The following EXOC4 variants were observed in gnomAD, a reference collection of about 807,000 sequenced individuals.
EXOC4 encodes the protein SEC8-like 1.
EXOC4 carries 71 observed loss-of-function variants against 107.2 expected under a neutral mutation model. That is an observed-to-expected ratio of 0.66 (90% confidence interval 0.55 to 0.81). EXOC4 has a LOEUF of 0.81. EXOC4 is among the 30% of genes least tolerant of loss of function. The probability of loss-of-function intolerance (pLI) is 0.00; values close to 1 mark genes in which losing one functional copy is unlikely to be tolerated. For synonymous variants in EXOC4, 456 were observed against 441.2 expected (o/e 1.03, Z -0.42); for missense variants, 1,108 against 1,189.6 (o/e 0.93, Z 1.01).
intron 10 of EXOC4, among the ~76,000 whole-genome samples, chr7:133,657,767 A>T (rs1439660572): frequency 6.6e-6 from 1 of 152,168 alleles, no homozygotes. Context: ...AATCTTATAG[A>T]ATTGGCTCTG....
intron 10 of EXOC4, among the ~76,000 whole-genome samples, chr7:133,658,375 G>A (rs1290308320): frequency 1.3e-5 from 2 of 152,104 alleles, no homozygotes; most frequent in Admixed American, 6.5e-5. Context: ...GATCCCAGCA[G>A]GTTAAAATCT....
At chr7:133,447,786 G>A (rs1584925179) in intron 7 of EXOC4, among the ~76,000 whole-genome samples, 1 of 151,818 alleles carries the variant, frequency 6.6e-6, no homozygotes, top group South Asian at 2.1e-4. Flanking sequence ...TTATTTTTAA[G>A]TGTACCTAAT....
At chr7:134,001,968 G>T (rs1443267643) in intron 15 of EXOC4, among the ~76,000 whole-genome samples, 1 of 152,156 alleles carries the variant, frequency 6.6e-6, no homozygotes, top group African/African-American at 2.4e-5. Flanking sequence ...TAGCATAGAT[G>T]CTTTAATTTT....
chr7:133,439,182 C>CT lies in EXOC4; in HGVS notation c.1183-36125dup, dbSNP rs35280420. ...GGAAATATACCATATTTCATCAGTTCTTTTTTTTTTTTTTTTTTTTTGAGA... is the reference window on the plus strand; with the variant it reads ...GGAAATATACCATATTTCATCAGTTCTTTTTTTTTTTTTTTTTTTTTTGAGA... On this transcript the variant is annotated intron_variant, in intron 7 of 17. Transcript: ENST00000253861. Among the ~76,000 whole-genome samples the CT allele has an allele frequency of 1.0e-2, 939 of 94,078 alleles. 84 individuals are homozygous for CT. The highest frequency in any genetic ancestry group is 0.02 in the African/African-American group (480 of 23,830). 61.7% of individuals were successfully genotyped at this position (94,078 alleles called of 152,430 possible). A position where few individuals can be genotyped will look rare whatever the true frequency, so the allele number is the denominator to read the frequency against.
At chr7:133,449,305 C>G (rs925917458) in intron 7 of EXOC4, among the ~76,000 whole-genome samples, 10 of 152,120 alleles carry the variant, frequency 6.6e-5, no homozygotes, top group African/African-American at 2.4e-4. Context: ...GAGGGTGACT[C>G]TGCCAACACC....
intron 2 of EXOC4, among the ~76,000 whole-genome samples, chr7:133,286,837 C>A (rs1389530504): frequency 6.6e-6 from 1 of 152,192 alleles, no homozygotes; most frequent in Non-Finnish European, 1.5e-5. Flanking sequence ...TGCAGTGTCT[C>A]ATGCCTCCCT....
chr7:133,350,528 A>G (rs1306146667), intron 5 of EXOC4, among the ~76,000 whole-genome samples: 1 of 151,958 alleles, frequency 6.6e-6, no homozygotes, highest in Non-Finnish European at 1.5e-5. Flanking sequence ...CCATTGGTCT[A>G]TATATTTGTC....
At chr7:133,673,278 A>C (rs942939987) in intron 10 of EXOC4, among the ~76,000 whole-genome samples, 1 of 152,214 alleles carries the variant, frequency 6.6e-6, no homozygotes, top group African/African-American at 2.4e-5. Context: ...ATCTGTATGT[A>C]TACTTGGACT....
intron 14 of EXOC4, among the ~76,000 whole-genome samples, chr7:133,953,278 C>T (rs1800734776): frequency 6.6e-6 from 1 of 151,994 alleles, no homozygotes; most frequent in African/African-American, 2.4e-5. Context: ...CTTCTTAGCA[C>T]CTCTTGAAAT....
chr7:133,890,611 G>C (rs1170121832), intron 11 of EXOC4, among the ~76,000 whole-genome samples: 1 of 92,702 alleles, frequency 1.1e-5, no homozygotes, highest in Non-Finnish European at 2.0e-5. Context: ...TAAGGTGTAA[G>C]GAAGGGATCC....
chr7:134,075,466 CA>C, the EXOC4 span, among the ~76,000 whole-genome samples: 1 of 152,082 alleles, frequency 6.6e-6, no homozygotes, highest in Non-Finnish European at 1.5e-5. Flanking sequence ...TGGTGGAAGG[CA>C]AAAGGCTTGT....
At chr7:133,578,827 G>A (rs1382438699) in intron 9 of EXOC4, among the ~76,000 whole-genome samples, 2 of 152,118 alleles carry the variant, frequency 1.3e-5, no homozygotes, top group Non-Finnish European at 2.9e-5. Context: ...AAGCACAGGT[G>A]TTAAGGTGGT....
chr7:133,365,861 A>G (rs143382231), intron 6 of EXOC4, among the ~76,000 whole-genome samples: 54 of 152,354 alleles, frequency 3.5e-4, no homozygotes, highest in African/African-American at 1.3e-3. Context: ...CTTTTTATAA[A>G]ATTATAAAGT....
intron 9 of EXOC4, among the ~76,000 whole-genome samples, chr7:133,512,005 C>T (rs889163388): frequency 6.6e-5 from 10 of 152,314 alleles, no homozygotes; most frequent in African/African-American, 9.6e-5. Context: ...TTGGAGAATT[C>T]AGATGTCGAT....
chr7:133,886,795 A>G (rs1159460229), intron 11 of EXOC4, among the ~76,000 whole-genome samples: 2 of 152,198 alleles, frequency 1.3e-5, no homozygotes, highest in Admixed American at 1.3e-4. Flanking sequence ...TAAAAACAGG[A>G]TTGACCTTGT....
At chr7:133,691,776 A>T (rs1794426400) in intron 10 of EXOC4, among the ~76,000 whole-genome samples, 1 of 152,176 alleles carries the variant, frequency 6.6e-6, no homozygotes, top group Admixed American at 6.5e-5. Flanking sequence ...CTTCCTGGGG[A>T]GATGTATTCA....
At chr7:133,432,486 TATATAA>T (rs1375474843) in intron 7 of EXOC4, among the ~76,000 whole-genome samples, 1 of 152,198 alleles carries the variant, frequency 6.6e-6, no homozygotes, top group African/African-American at 2.4e-5. Flanking sequence ...GGTAGATAGA[TATATAA>T]ATATAAGTAT....
At chr7:134,094,974 G>C in the EXOC4 span, among the ~76,000 whole-genome samples, 1 of 151,968 alleles carries the variant, frequency 6.6e-6, no homozygotes, top group Non-Finnish European at 1.5e-5. Flanking sequence ...TCAAGCAAAA[G>C]AAAGAAATAA....
intron 10 of EXOC4, among the ~76,000 whole-genome samples, chr7:133,801,023 G>T (rs1267546621): frequency 1.3e-5 from 2 of 152,088 alleles, no homozygotes; most frequent in Non-Finnish European, 2.9e-5. Context: ...ACCATCTTTG[G>T]TCCGACCTTA....
Sources: gnomAD v4.1 joint callset for allele counts (sites outside exome capture counted in the v4.1 genomes callset) on GRCh38, gnomAD v4.1.1 for gene constraint, MANE v1.5 for transcripts, NCBI Gene and HGNC (gene_info 2026-07-23, HGNC 2026-07-21) for gene names.